GMDS: variants seen among roughly 807,000 people sequenced by gnomAD.
GMDS encodes GDP-mannose 4,6-dehydratase.
In GMDS, 20 loss-of-function variants were observed where a neutral mutation model predicts 49.9. The ratio of observed to expected loss-of-function variants is 0.40; its 90% CI spans 0.28 to 0.58. GMDS has a LOEUF of 0.58. Among genes scored for constraint, GMDS ranks in the 20% least tolerant of loss-of-function variants. GMDS has a pLI of 0.42. For synonymous variants in GMDS, 177 were observed against 178.6 expected, an observed-to-expected ratio of 0.99 and a Z score of 0.07; for missense variants, 362 against 481.4, an observed-to-expected ratio of 0.75 and a Z score of 2.32.
intron 7 of GMDS, among the ~76,000 whole-genome samples, chr6:1,856,943 G>T (rs943555256): frequency 6.6e-6 from 1 of 152,170 alleles, no homozygotes. Context: ...TTGTGAGTTT[G>T]TAAGTTTTTC....
At chr6:1,938,460 T>C (rs1469008798) in intron 6 of GMDS, among the ~76,000 whole-genome samples, 1 of 152,382 alleles carries the variant, frequency 6.6e-6, no homozygotes, top group East Asian at 1.9e-4. Context: ...TTGAAAATTA[T>C]CTTCTCTTCC....
At chr6:2,036,974 C>A (rs1769344656) in intron 4 of GMDS, among the ~76,000 whole-genome samples, 1 of 152,162 alleles carries the variant, frequency 6.6e-6, no homozygotes. Flanking sequence ...CTGGAGTTAT[C>A]TTTTGGAGGC....
chr6:2,162,112 A>G (rs1315182593), intron 1 of GMDS, among the ~76,000 whole-genome samples: 1 of 152,222 alleles, frequency 6.6e-6, no homozygotes, highest in East Asian at 1.9e-4. Context: ...CATAGACAAA[A>G]ATCTCTTGAG....
At chr6:1,756,278 T>C (rs996309096) in intron 7 of GMDS, among the ~76,000 whole-genome samples, 1 of 152,064 alleles carries the variant, frequency 6.6e-6, no homozygotes, top group Admixed American at 6.5e-5. Flanking sequence ...TTTTTTTTTT[T>C]TTGAGATGGA....
At chr6:1,688,863 T>C (rs1196941307) in intron 9 of GMDS, among the ~76,000 whole-genome samples, 2 of 152,232 alleles carry the variant, frequency 1.3e-5, no homozygotes, top group East Asian at 3.9e-4. Context: ...GTCAGCTCTC[T>C]ACATATTCCT....
intron 9 of GMDS, among the ~76,000 whole-genome samples, chr6:1,663,707 C>T (rs1764155724): frequency 6.6e-6 from 1 of 152,180 alleles, no homozygotes; most frequent in Admixed American, 6.5e-5. Context: ...TGCCACAGGG[C>T]CTTTGCACAG....
chr6:1,797,588 C>T (rs1769791137), intron 7 of GMDS, among the ~76,000 whole-genome samples: 1 of 152,216 alleles, frequency 6.6e-6, no homozygotes, highest in African/African-American at 2.4e-5. Context: ...CAAAGCTACA[C>T]ACATTAATGT....
rs766341813 is a variant in GMDS at position 1,960,019 on chromosome 6, G to C, written c.539-48C>G. ...GCAATGAAGTTTGTTGTAAAAGACA[G>C]TGATTCTCACCATCTTCAACAGTAA... On this transcript the variant is annotated intron_variant, in intron 5 of 10. Coordinates refer to ENST00000380815, the MANE Select transcript of GMDS (RefSeq NM_001500.4). 3.6e-6 allele frequency: 4 copies of C among 1,111,368 alleles called. No individual in the cohort carries two copies. The African/African-American group carries it at 6.2e-5, about 17-fold the overall frequency. 68.8% of individuals were successfully genotyped at this position (1,111,368 alleles called of 1,614,324 possible).
chr6:1,988,421 A>AC (rs1352384477), intron 4 of GMDS, among the ~76,000 whole-genome samples: 1 of 151,712 alleles, frequency 6.6e-6, no homozygotes, highest in South Asian at 2.1e-4. Context: ...GCCCAATCCC[A>AC]CCCTCATCTC....
intron 7 of GMDS, among the ~76,000 whole-genome samples, chr6:1,779,590 C>A (rs1222044231): frequency 6.6e-6 from 1 of 152,120 alleles, no homozygotes; most frequent in Non-Finnish European, 1.5e-5. Flanking sequence ...GAGTGTGCGT[C>A]TGTGTGAAAA....
chr6:2,058,323 T>C (rs1489613724), intron 4 of GMDS, among the ~76,000 whole-genome samples: 5 of 136,682 alleles, frequency 3.7e-5, no homozygotes, highest in Admixed American at 7.8e-5. Flanking sequence ...CCAGCCTATG[T>C]GACAGAGTAA....
At chr6:1,954,504 G>A (rs7759496) in intron 6 of GMDS, among the ~76,000 whole-genome samples, 24,753 of 152,210 alleles carry the variant, frequency 0.16, 2,052 homozygotes, top group East Asian at 0.2. Flanking sequence ...TTTCAGAATT[G>A]GAGTCAATCT....
At chr6:2,110,289 G>A (rs1026113514) in intron 4 of GMDS, among the ~76,000 whole-genome samples, 2 of 139,430 alleles carry the variant, frequency 1.4e-5, no homozygotes, top group East Asian at 2.1e-4. Context: ...TCCTGGGGAC[G>A]AATATGGGGG....
intron 6 of GMDS, among the ~76,000 whole-genome samples, chr6:1,931,489 T>C (rs1199587719): frequency 6.6e-6 from 1 of 152,224 alleles, no homozygotes; most frequent in African/African-American, 2.4e-5. Context: ...TCAATTCAGA[T>C]GGTATGTTAA....
chr6:2,189,292 T>C (rs539564182), intron 1 of GMDS, among the ~76,000 whole-genome samples: 1 of 152,176 alleles, frequency 6.6e-6, no homozygotes, highest in South Asian at 2.1e-4. Flanking sequence ...TAGGAGTAGG[T>C]TGAGAGGAAG....
chr6:1,792,437 G>T (rs939731237), intron 7 of GMDS, among the ~76,000 whole-genome samples: 1 of 152,030 alleles, frequency 6.6e-6, no homozygotes. Context: ...TTTCACCTTC[G>T]ATACTGATCG....
At chr6:2,095,000 T>C (rs2026446) in intron 4 of GMDS, among the ~76,000 whole-genome samples, 87,139 of 152,026 alleles carry the variant, frequency 0.57, 25,193 homozygotes, top group East Asian at 0.7. Context: ...AAGAATCAAA[T>C]GAATGGTTAT....
intron 4 of GMDS, among the ~76,000 whole-genome samples, chr6:2,024,348 T>C (rs1293579159): frequency 2.0e-5 from 3 of 152,116 alleles, no homozygotes; most frequent in Non-Finnish European, 2.9e-5. Flanking sequence ...AGCAGCAAGA[T>C]GGCAGAAATA....
rs1230953939 is a variant in GMDS, at chr6:1,833,033, G to C, written c.772-90447C>G. On this transcript the variant is annotated intron_variant, in intron 7 of 10. Coordinates refer to ENST00000380815, the MANE Select transcript of GMDS (RefSeq NM_001500.4). The surrounding 1 kb of genome is among the most constrained non-coding windows in gnomAD (Gnocchi z 4.4). The stretch of plus-strand genomic sequence containing the variant: ...GAGTGCAACCACTGTCAGTTTTGTG[G>C]GGTTGGCCTCTGATCACTCACACAA... Among the ~76,000 whole-genome samples the C allele has an allele frequency of 1.3e-5, 2 of 152,122 alleles. No individual in the cohort carries two copies. The highest frequency in any genetic ancestry group is 2.9e-5 in the Non-Finnish European group (2 of 68,028).
Sources: allele counts gnomAD v4.1 joint callset (sites outside exome capture counted in the v4.1 genomes callset), GRCh38; gene constraint gnomAD v4.1.1; non-coding constraint Gnocchi (gnomAD v3.1); transcripts MANE v1.5; gene names NCBI Gene and HGNC (gene_info 2026-07-23, HGNC 2026-07-21).